The following THRB variants were observed in gnomAD, a reference collection of about 807,000 sequenced individuals.
The protein encoded by THRB is nuclear receptor subfamily 1 group A member 2.
In THRB, 12 loss-of-function variants were observed where a neutral mutation model predicts 47.8. The observed-to-expected ratio is 0.25, with a 90% CI of 0.16 to 0.41. The LOEUF (loss-of-function observed/expected upper bound fraction) is 0.41. Among genes scored for constraint, THRB ranks in the 10% least tolerant of loss-of-function variants. The probability of loss-of-function intolerance (pLI) is 1.00; values close to 1 mark genes in which losing one functional copy is unlikely to be tolerated. For missense variants in THRB, 348 were observed against 589.2 expected (o/e 0.59, Z 4.24); for synonymous variants, 218 against 212.2 (o/e 1.03, Z -0.24).
chr3:24,474,569 G>C (rs1018386872), intron 1 of THRB, among the ~76,000 whole-genome samples: 1 of 152,264 alleles, frequency 6.6e-6, no homozygotes, highest in East Asian at 1.9e-4. Flanking sequence ...AGAATTTGTA[G>C]AATCAATGGC....
chr3:24,148,113 T>C (rs1208959408), intron 6 of THRB, among the ~76,000 whole-genome samples: 1 of 152,218 alleles, frequency 6.6e-6, no homozygotes, highest in Non-Finnish European at 1.5e-5. Flanking sequence ...ATGAGTGTTT[T>C]AAAATGTAAG....
intron 1 of THRB, among the ~76,000 whole-genome samples, chr3:24,407,011 T>C (rs1246667132): frequency 6.6e-6 from 1 of 151,850 alleles, no homozygotes; most frequent in Non-Finnish European, 1.5e-5. Context: ...TCCATGATAT[T>C]AGCACATCCA....
intron 1 of THRB, among the ~76,000 whole-genome samples, chr3:24,446,848 C>A (rs539906091): frequency 6.6e-6 from 1 of 152,280 alleles, no homozygotes; most frequent in Non-Finnish European, 1.5e-5. Flanking sequence ...GCAATACTTA[C>A]ACATGTGATT....
intron 2 of THRB, among the ~76,000 whole-genome samples, chr3:24,300,686 TG>T (rs1400113564): frequency 6.6e-6 from 1 of 152,220 alleles, no homozygotes; most frequent in Non-Finnish European, 1.5e-5. Flanking sequence ...CTAACTGCAG[TG>T]GTGGATATTA....
intron 5 of THRB, among the ~76,000 whole-genome samples, chr3:24,162,686 CAAA>C (rs368706028): frequency 8.3e-6 from 1 of 120,638 alleles, no homozygotes. Flanking sequence ...GCTATGAATG[CAAA>C]AAAAAAAAAA....
chr3:24,264,884 G>T, intron 3 of THRB, among the ~76,000 whole-genome samples: 1 of 152,044 alleles, frequency 6.6e-6, no homozygotes, highest in Non-Finnish European at 1.5e-5. Context: ...GAGGGCCCCA[G>T]AACCGTAGGT....
intron 4 of THRB, among the ~76,000 whole-genome samples, chr3:24,219,962 G>A (rs1317092931): frequency 6.6e-6 from 1 of 152,220 alleles, no homozygotes; most frequent in Admixed American, 6.5e-5. Flanking sequence ...AGCTACCAGA[G>A]GTTTCACCTT....
intron 8 of THRB, among the ~76,000 whole-genome samples, chr3:24,139,182 A>G (rs1425366766): frequency 6.6e-6 from 1 of 152,204 alleles, no homozygotes; most frequent in Non-Finnish European, 1.5e-5. Context: ...TAGATTGGAG[A>G]AAACTAGAAA....
chr3:24,284,305 A>G (rs960158810), intron 3 of THRB, among the ~76,000 whole-genome samples: 1 of 151,824 alleles, frequency 6.6e-6, no homozygotes, highest in Non-Finnish European at 1.5e-5. Flanking sequence ...ATCTTTGACA[A>G]ACCTGAGAAA....
intron 4 of THRB, among the ~76,000 whole-genome samples, chr3:24,215,892 A>T (rs1440799642): frequency 6.6e-6 from 1 of 152,210 alleles, no homozygotes; most frequent in Admixed American, 6.5e-5. Flanking sequence ...GGGATGTAAG[A>T]AGGAAAGAAC....
intron 3 of THRB, among the ~76,000 whole-genome samples, chr3:24,274,329 A>G (rs2053673580): frequency 6.6e-6 from 1 of 152,220 alleles, no homozygotes; most frequent in Non-Finnish European, 1.5e-5. Flanking sequence ...TAAATTATAG[A>G]ACGTTCAGAA....
chr3:24,182,176 G>A (rs982878568), intron 5 of THRB, among the ~76,000 whole-genome samples: 4 of 152,084 alleles, frequency 2.6e-5, no homozygotes, highest in Admixed American at 2.6e-4. Context: ...ACTCCAGCCT[G>A]GGCGACAGAG....
intron 1 of THRB, among the ~76,000 whole-genome samples, chr3:24,467,547 A>G (rs1478021423): frequency 6.6e-6 from 1 of 152,240 alleles, no homozygotes. Flanking sequence ...TCTTTGATCC[A>G]TAGGCTTCAG....
chr3:24,491,534 T>G (rs1185302785), intron 1 of THRB, among the ~76,000 whole-genome samples: 1 of 152,218 alleles, frequency 6.6e-6, no homozygotes, highest in Non-Finnish European at 1.5e-5. Context: ...ACTTAACTAA[T>G]AACATATGAT....
chr3:24,239,659 A>G (rs934373893), intron 3 of THRB, among the ~76,000 whole-genome samples: 2 of 152,048 alleles, frequency 1.3e-5, no homozygotes, highest in African/African-American at 4.8e-5. Context: ...TCTGGGTAGG[A>G]AGGTTATAAA....
chr3:24,181,089 T>C (rs185178409), intron 5 of THRB, among the ~76,000 whole-genome samples: 1 of 152,198 alleles, frequency 6.6e-6, no homozygotes. Context: ...GAAAAAGATA[T>C]CCTCAAGGGA....
intron 5 of THRB, among the ~76,000 whole-genome samples, chr3:24,185,440 G>A (rs905466593): frequency 6.7e-6 from 1 of 149,492 alleles, no homozygotes; most frequent in African/African-American, 2.6e-5. Flanking sequence ...TTAAAAATTT[G>A]TAGAAATTTT....
chr3:24,391,635 C>T lies in THRB; in HGVS notation c.-260-54264G>A, dbSNP rs529266923. ...TACGTATAAACAGGGCATTCATTTCCATTTAAATTCCAAACCTAATTAATT... is the reference window on the plus strand; with the variant it reads ...TACGTATAAACAGGGCATTCATTTCTATTTAAATTCCAAACCTAATTAATT... On this transcript the variant is annotated intron_variant, in intron 1 of 10. Coordinates refer to ENST00000646209, the MANE Select transcript of THRB (RefSeq NM_001354712.2). Among the ~76,000 whole-genome samples, 7 of 152,200 alleles carry T rather than the reference C, an allele frequency of 4.6e-5. No homozygotes were observed. In the South Asian group the frequency reaches 8.3e-4, roughly 18 times the overall value.
chr3:24,389,920 C>T (rs185525238), intron 1 of THRB, among the ~76,000 whole-genome samples: 4 of 152,248 alleles, frequency 2.6e-5, no homozygotes, highest in Admixed American at 6.5e-5. Context: ...GTTGAATCAA[C>T]AGGTATTTGT....
Sources: gnomAD v4.1 joint callset for allele counts (sites outside exome capture counted in the v4.1 genomes callset) on GRCh38, gnomAD v4.1.1 for gene constraint, MANE v1.5 for transcripts, NCBI Gene and HGNC (gene_info 2026-07-23, HGNC 2026-07-21) for gene names.